The following SLCO4A1 variants were observed in gnomAD, a reference collection of about 807,000 sequenced individuals.
The protein encoded by SLCO4A1 is colon organic anion transporter.
In SLCO4A1, 51 loss-of-function variants were observed where a neutral mutation model predicts 64.6. The observed-to-expected ratio is 0.79, with a 90% CI of 0.63 to 1.00. The LOEUF (loss-of-function observed/expected upper bound fraction) is 1.00, where lower values mean the gene tolerates loss of function less well. Ranked by LOEUF, SLCO4A1 falls within the 50% of genes least tolerant of loss-of-function variation. The probability of loss-of-function intolerance (pLI) is 0.00; values close to 1 mark genes in which losing one functional copy is unlikely to be tolerated. For synonymous variants in SLCO4A1, 471 were observed against 444.9 expected, an observed-to-expected ratio of 1.06 and a Z score of -0.74; for missense variants, 919 against 980.5, an observed-to-expected ratio of 0.94 and a Z score of 0.84.
Position 62,657,011 on chromosome 20 carries a change from T to G in SLCO4A1, c.557T>G (p.Val186Gly), listed in dbSNP as rs1407522717. 7.6e-6 allele frequency: 12 copies of G among 1,580,580 alleles called. No homozygotes were observed. The highest frequency in any genetic ancestry group is 8.6e-6 in the Non-Finnish European group (10 of 1,159,434). Reference protein sequence around the residue: ...GVLLMGTGSLVFALPHFTAGR... With the variant: ...GVLLMGTGSLGFALPHFTAGR... The stretch of plus-strand genomic sequence containing the variant: ...CTGCTTATGGGCACGGGGTCGCTGG[T>G]GTTCGCGCTGCCCCACTTCACGGCT... Residue 186 changes from valine (V) to glycine (G), a missense_variant, in exon 2 of 12, where the codon GTG (valine) becomes GGG (glycine). Coordinates refer to ENST00000217159, the MANE Select transcript of SLCO4A1 (RefSeq NM_016354.4).
chr20:62,656,897 C>G lies in SLCO4A1; in HGVS notation c.443C>G (p.Ser148Cys), dbSNP rs1412415622. Residue 148 changes from serine (S) to cysteine (C), a missense_variant, in exon 2 of 12, where the codon TCC becomes TGC. By Grantham distance (112) the Ser-to-Cys change is moderately radical. Coordinates refer to ENST00000217159, the MANE Select transcript of SLCO4A1 (RefSeq NM_016354.4). ...TACCAGAGCGGGCTCATCGCCAGCT[C>G]CTACGACATTGCCGCCTGCCTCTGC... ...HSYQSGLIAS[S>C]YDIAACLCLT... is the part of the protein sequence containing the mutation. 1.3e-6 allele frequency: 2 copies of G among 1,575,496 alleles called. No homozygotes were observed. Among genetic ancestry groups the G allele is most frequent in the South Asian group, 1.2e-5 (1 of 86,820 alleles).
Position 62,656,374 on chromosome 20 carries a change from CGG to C in SLCO4A1, c.-80_-79del. ...CTTCTCACAGGACACACCAGCCCCT[CGG>C]ATACCACTTGGCCACTCCCGCTGAG... On this transcript the variant is annotated 5_prime_UTR_variant, in exon 2 of 12. Transcript: ENST00000217159. 1 of 1,240,156 alleles carries C rather than the reference CGG, an allele frequency of 8.1e-7. No homozygotes were observed. The highest frequency in any genetic ancestry group is 1.1e-6 in the Non-Finnish European group (1 of 919,366). The allele number at this position is 1,240,156 out of a possible 1,614,324, so 76.8% of individuals were successfully genotyped here. A position where few individuals can be genotyped will look rare whatever the true frequency, so the allele number is the denominator to read the frequency against.
At chr20:62,669,152 C>T in intron 11 of SLCO4A1, 74 bp downstream of exon 11, 1 of 1,462,086 alleles carries the variant, frequency 6.8e-7, no homozygotes, top group Non-Finnish European at 9.4e-7. Context: ...CCGCGATCTT[C>T]CAGCAGCTTG....
chr20:62,655,732 G>A (rs548956493), intron 1 of SLCO4A1, among the ~76,000 whole-genome samples: 3 of 152,308 alleles, frequency 2.0e-5, no homozygotes, highest in African/African-American at 2.4e-5. Flanking sequence ...GGGTGTTTCC[G>A]GTGCTGGGGG....
chr20:62,642,750 C>T (rs951428196), intron 1 of SLCO4A1, among the ~76,000 whole-genome samples, 197 bp downstream of exon 1: 1 of 152,162 alleles, frequency 6.6e-6, no homozygotes, highest in Non-Finnish European at 1.5e-5. Context: ...AATCGGAGGC[C>T]AAATTCGCCG....
At chr20:62,653,956 G>A (rs889742552) in intron 1 of SLCO4A1, among the ~76,000 whole-genome samples, 5 of 151,774 alleles carry the variant, frequency 3.3e-5, no homozygotes, top group African/African-American at 1.2e-4. Context: ...GAGTTAATGG[G>A]TGCAGCACAC....
chr20:62,652,676 G>T (rs138169436), intron 1 of SLCO4A1, among the ~76,000 whole-genome samples: 2 of 152,302 alleles, frequency 1.3e-5, no homozygotes, highest in African/African-American at 4.8e-5. Flanking sequence ...CCTTTCTGAC[G>T]CAGCAGGTCC....
chr20:62,654,045 A>T (rs529183786), intron 1 of SLCO4A1, among the ~76,000 whole-genome samples: 3 of 152,266 alleles, frequency 2.0e-5, no homozygotes, highest in South Asian at 4.1e-4. Context: ...ATAATAATAA[A>T]AAAAAATAGT....
At chr20:62,650,959 G>A (rs191732197) in intron 1 of SLCO4A1, among the ~76,000 whole-genome samples, 33 of 152,300 alleles carry the variant, frequency 2.2e-4, no homozygotes, top group Admixed American at 9.1e-4. Flanking sequence ...AGAACGGCAC[G>A]CTCAGTAAAT....
chr20:62,674,345 G>A (rs148742508), downstream of SLCO4A1, among the ~76,000 whole-genome samples: 582 of 152,294 alleles, frequency 3.8e-3, 13 homozygotes, highest in African/African-American at 0.014. Context: ...TGCGGGCTGA[G>A]CTGAGATTGG....
downstream of SLCO4A1, among the ~76,000 whole-genome samples, chr20:62,687,558 C>T (rs982605575): frequency 8.5e-5 from 13 of 152,260 alleles, no homozygotes; most frequent in South Asian, 1.9e-3. Context: ...CAGGAGGCAG[C>T]GCACGGGGCA....
At position 62,656,485 on chromosome 20, in the gene SLCO4A1, C is replaced by T. The variant is rs778583937; in HGVS notation, c.31C>T (p.Leu11Phe). ...CCTGCATCAGCTGGGGGACAAGCCG[C>T]TCACCTTCCCCAGCCCCAACTCAGC... The part of the protein sequence containing the change: MPLHQLGDKP[L>F]TFPSPNSAME... Residue 11 changes from leucine to phenylalanine, a missense_variant, in exon 2 of 12, where the codon CTC (leucine) becomes TTC (phenylalanine). By Grantham distance (22) the Leu-to-Phe change is conservative. Coordinates refer to ENST00000217159, the MANE Select transcript of SLCO4A1 (RefSeq NM_016354.4). The T allele has an allele frequency of 8.3e-5, 126 of 1,522,118 alleles. No individual in the cohort carries two copies. The highest frequency in any genetic ancestry group is 3.6e-4 in the East Asian group (15 of 41,968). The allele number at this position is 1,522,118 out of a possible 1,614,324, so 94.3% of individuals were successfully genotyped here.
downstream of SLCO4A1, among the ~76,000 whole-genome samples, chr20:62,687,326 C>T (rs1988100609): frequency 6.6e-6 from 1 of 152,254 alleles, no homozygotes; most frequent in African/African-American, 2.4e-5. Flanking sequence ...ACACAGTGGC[C>T]ACCCTGGGGC....
chr20:62,655,793 T>A (rs1315262852), intron 1 of SLCO4A1, among the ~76,000 whole-genome samples: 1 of 152,082 alleles, frequency 6.6e-6, no homozygotes, highest in Non-Finnish European at 1.5e-5. Context: ...CCTCCCAAAC[T>A]CTGCACGGAG....
intron 2 of SLCO4A1, among the ~76,000 whole-genome samples, chr20:62,682,998 G>A (rs1285124410): frequency 6.6e-6 from 1 of 152,252 alleles, no homozygotes; most frequent in Non-Finnish European, 1.5e-5. Flanking sequence ...GGACCCTGAA[G>A]CTGCGCAGGC....
Position 62,656,565 on chromosome 20 carries a change from AC to A in SLCO4A1, c.115del (p.Leu39Ter). 1 of 1,584,912 alleles carries A rather than the reference AC, an allele frequency of 6.3e-7. No homozygotes were observed. Among genetic ancestry groups the A allele is most frequent in the Non-Finnish European group, 8.5e-7 (1 of 1,170,258 alleles). ...CCAGCAGGAGGGCATCCCCGGGCACACCCCTGAGCCCCGGCTCCCTCCGCTC... is the reference window on the plus strand; with the variant it reads ...CCAGCAGGAGGGCATCCCCGGGCACACCCTGAGCCCCGGCTCCCTCCGCTC... ...PPSRRASPGT[P>X]LSPGSLRSAA... On this transcript the variant is annotated frameshift_variant, in exon 2 of 12. Transcript: ENST00000217159. LOFTEE classifies it high-confidence loss of function.
intron 1 of SLCO4A1, among the ~76,000 whole-genome samples, chr20:62,652,872 G>A (rs980847852): frequency 2.6e-5 from 4 of 152,216 alleles, no homozygotes; most frequent in Admixed American, 6.5e-5. Context: ...GCGGCTGCAC[G>A]TGAGTGCCAC....
rs767928280 is a variant in SLCO4A1 at position 62,656,559 on chromosome 20, G to A, written c.105G>A (p.Pro35=). 87 of 1,583,696 alleles carry A rather than the reference G, an allele frequency of 5.5e-5. No homozygotes were observed. Among genetic ancestry groups the A allele is most frequent in the Middle Eastern group, 1.6e-4 (1 of 6,062 alleles). Reference sequence around the variant, plus strand: ...CCCCACCCAGCAGGAGGGCATCCCCGGGCACACCCCTGAGCCCCGGCTCCC... The same window carrying A: ...CCCCACCCAGCAGGAGGGCATCCCCAGGCACACCCCTGAGCCCCGGCTCCC... The part of the protein sequence containing the change: ...DHTPPSRRAS[P]GTPLSPGSLR... Residue 35 remains proline, a synonymous_variant, in exon 2 of 12, where the codon CCG becomes CCA. Transcript: ENST00000217159.
rs958657071 is a variant in SLCO4A1 at position 62,644,857 on chromosome 20, A to C, written c.-97+2304A>C. Among the ~76,000 whole-genome samples the C allele has an allele frequency of 1.3e-5, 2 of 152,118 alleles. No homozygotes were observed. Among genetic ancestry groups the C allele is most frequent in the African/African-American group, 4.8e-5 (2 of 41,432 alleles). On this transcript the variant is annotated intron_variant, in intron 1 of 11. Coordinates refer to ENST00000217159, the MANE Select transcript of SLCO4A1 (RefSeq NM_016354.4). This position sits in a 1 kb window ranked among gnomAD's most constrained non-coding sequence, Gnocchi z 5.4. ...AGGTGGTCAGAGATGAGCCACAGAA[A>C]AGCCAACGTGCAGCCTGGTGCTGGG...
Sources: gnomAD v4.1 joint callset for allele counts (sites outside exome capture counted in the v4.1 genomes callset) on GRCh38, gnomAD v4.1.1 for gene constraint, Gnocchi (gnomAD v3.1) non-coding constraint, MANE v1.5 for transcripts, NCBI Gene and HGNC (gene_info 2026-07-23, HGNC 2026-07-21) for gene names.